Variants in SH3D19 observed in about 807,000 individuals in gnomAD.
SH3D19 encodes the protein SH3 domain containing 19.
Under a neutral mutation model 112.1 loss-of-function variants are expected in SH3D19, and 58 were observed. The observed-to-expected ratio is 0.52, with a 90% CI of 0.42 to 0.64. The LOEUF is 0.64. SH3D19 is among the 30% of genes least tolerant of loss of function. SH3D19 has a pLI of 0.00. For missense variants in SH3D19, 1,090 were observed against 1,263.4 expected (o/e 0.86, Z 2.08); for synonymous variants, 391 against 448.5 (o/e 0.87, Z 1.62).
At chr4:151,241,559 T>TAAATAAA in intron 1 of SH3D19, among the ~76,000 whole-genome samples, 2 of 151,692 alleles carry the variant, frequency 1.3e-5, no homozygotes, top group African/African-American at 4.9e-5. Flanking sequence ...TATTTATTTA[T>TAAATAAA]TTATTTATCT....
intron 9 of SH3D19, among the ~76,000 whole-genome samples, chr4:151,151,799 C>T (rs1354499385): frequency 1.3e-5 from 2 of 152,078 alleles, no homozygotes; most frequent in African/African-American, 2.4e-5. Context: ...ATTTCTTTGG[C>T]TACCTTTAAA....
intron 1 of SH3D19, among the ~76,000 whole-genome samples, chr4:151,284,300 T>C (rs780408373): frequency 6.6e-6 from 1 of 152,230 alleles, no homozygotes; most frequent in Non-Finnish European, 1.5e-5. Flanking sequence ...TATTTTTAAA[T>C]TGATCTGTAT....
chr4:151,167,608 G>C lies in SH3D19; in HGVS notation c.1535-1912C>G, dbSNP rs1482125757. On this transcript the variant is annotated intron_variant, in intron 7 of 19. Coordinates refer to ENST00000604030, the MANE Select transcript of SH3D19 (RefSeq NM_001378122.1). Reference sequence around the variant, plus strand: ...GTAGCAGTTTTGTTCATTCAATATTGACTGGGTGCCTGCTATGCATTAAAC... The same window carrying C: ...GTAGCAGTTTTGTTCATTCAATATTCACTGGGTGCCTGCTATGCATTAAAC... Among the ~76,000 whole-genome samples, 3 of 152,098 alleles carry C rather than the reference G, an allele frequency of 2.0e-5. No individual in the cohort carries two copies. The East Asian group carries it at 5.8e-4, about 29-fold the overall frequency.
chr4:151,191,383 T>C (rs577052727), intron 2 of SH3D19, among the ~76,000 whole-genome samples: 3 of 152,148 alleles, frequency 2.0e-5, no homozygotes, highest in African/African-American at 7.2e-5. Flanking sequence ...GGGCCAGGGG[T>C]GAAATGACAT....
intron 2 of SH3D19, among the ~76,000 whole-genome samples, chr4:151,197,153 C>T (rs1374584848): frequency 1.3e-5 from 2 of 151,996 alleles, no homozygotes; most frequent in Admixed American, 1.3e-4. Flanking sequence ...GGGTATCTAC[C>T]TAGGTATCAC....
At chr4:151,290,644 T>G (rs890038261) in intron 1 of SH3D19, among the ~76,000 whole-genome samples, 7 of 152,234 alleles carry the variant, frequency 4.6e-5, no homozygotes, top group African/African-American at 1.7e-4. Context: ...GTAAATATAC[T>G]AAAAACCACT....
chr4:151,173,053 T>C (rs573803048), intron 7 of SH3D19, among the ~76,000 whole-genome samples: 3 of 152,326 alleles, frequency 2.0e-5, no homozygotes, highest in African/African-American at 7.2e-5. Context: ...TGAGACTGTA[T>C]TCATGCTTAA....
chr4:151,272,980 C>T (rs1419828765), intron 1 of SH3D19, among the ~76,000 whole-genome samples: 1 of 152,004 alleles, frequency 6.6e-6, no homozygotes, highest in Admixed American at 6.6e-5. Context: ...TGCTGCTGGT[C>T]CAACTACATT....
chr4:151,127,831 G>A, intron 18 of SH3D19, 116 bp from the exon 19 acceptor site: 1 of 528,494 alleles, frequency 1.9e-6, no homozygotes, highest in Admixed American at 4.1e-5. Flanking sequence ...TCTCTTCAGA[G>A]GTAGTGATAT....
intron 4 of SH3D19, among the ~76,000 whole-genome samples, chr4:151,177,248 T>A (rs1029930058): frequency 6.6e-6 from 1 of 152,230 alleles, no homozygotes; most frequent in Non-Finnish European, 1.5e-5. Context: ...GTAAGGCCTA[T>A]ACAATCTCTT....
chr4:151,239,772 A>C (rs369908498), intron 1 of SH3D19, among the ~76,000 whole-genome samples: 2 of 152,382 alleles, frequency 1.3e-5, no homozygotes, highest in East Asian at 3.9e-4. Context: ...CAAGAGGTCC[A>C]TATCATTCAT....
intron 1 of SH3D19, among the ~76,000 whole-genome samples, chr4:151,241,922 G>A (rs1051440174): frequency 1.3e-5 from 2 of 150,010 alleles, no homozygotes; most frequent in African/African-American, 2.5e-5. Context: ...GCCAGTGTCC[G>A]TGGCTCATGC....
Position 151,226,104 on chromosome 4 carries a change from G to A in SH3D19, c.113-18C>T, listed in dbSNP as rs114721756. On this transcript the variant is annotated intron_variant, in intron 1 of 19. Coordinates refer to ENST00000604030, the MANE Select transcript of SH3D19 (RefSeq NM_001378122.1). ...GTTGCGATCTGTAGAGAAAGAAGATGGTTACGTGTCAAAAGGTTCTTTAAA... is the reference window on the plus strand; with the variant it reads ...GTTGCGATCTGTAGAGAAAGAAGATAGTTACGTGTCAAAAGGTTCTTTAAA... 6,290 of 1,231,464 alleles carry A rather than the reference G, an allele frequency of 5.1e-3. 253 individuals are homozygous for A. In the African/African-American group the frequency reaches 0.085, roughly 17 times the overall value. 76.3% of individuals were successfully genotyped at this position (1,231,464 alleles called of 1,614,324 possible).
chr4:151,181,363 G>A (rs569724737), intron 3 of SH3D19, among the ~76,000 whole-genome samples: 1 of 152,264 alleles, frequency 6.6e-6, no homozygotes, highest in Non-Finnish European at 1.5e-5. Context: ...AGTTTAGGCT[G>A]GATTGGAGCC....
intron 2 of SH3D19, among the ~76,000 whole-genome samples, chr4:151,203,502 G>C (rs898038622): frequency 6.6e-6 from 1 of 152,142 alleles, no homozygotes; most frequent in Admixed American, 6.5e-5. Flanking sequence ...ACTGATCACT[G>C]ATAACCTCAT....
intron 1 of SH3D19, among the ~76,000 whole-genome samples, chr4:151,296,420 G>T (rs957388729): frequency 8.5e-5 from 13 of 152,162 alleles, no homozygotes; most frequent in Admixed American, 2.0e-4. Flanking sequence ...ACATTTGTGT[G>T]GGGGAGGGAG....
At chr4:151,144,593 G>C (rs1753602993) in intron 11 of SH3D19, among the ~76,000 whole-genome samples, 1 of 152,182 alleles carries the variant, frequency 6.6e-6, no homozygotes, top group Non-Finnish European at 1.5e-5. Context: ...CTGGGGGTTT[G>C]AAGGAGAAAC....
intron 4 of SH3D19, among the ~76,000 whole-genome samples, chr4:151,178,837 T>C (rs1760373729): frequency 1.3e-5 from 2 of 152,350 alleles, no homozygotes; most frequent in South Asian, 4.1e-4. Flanking sequence ...CCATCCATCC[T>C]TCTGTCCATT....
At chr4:151,211,712 C>T (rs1766006183) in intron 2 of SH3D19, among the ~76,000 whole-genome samples, 1 of 152,148 alleles carries the variant, frequency 6.6e-6, no homozygotes, top group Non-Finnish European at 1.5e-5. Flanking sequence ...TCAACCCAGC[C>T]ACAACATTCC....
Sources: gnomAD v4.1 joint callset for allele counts (sites outside exome capture counted in the v4.1 genomes callset) on GRCh38, gnomAD v4.1.1 for gene constraint, MANE v1.5 for transcripts, NCBI Gene and HGNC (gene_info 2026-07-23, HGNC 2026-07-21) for gene names.